Variants in CCDC28A observed in about 807,000 individuals in gnomAD.
CCDC28A encodes coiled-coil domain-containing protein 28A.
A neutral mutation model predicts 22.1 loss-of-function variants in CCDC28A; 24 were observed. That is an observed-to-expected ratio of 1.09 (90% CI 0.79 to 1.53). The LOEUF is 1.53. Among genes scored for constraint, CCDC28A ranks in the 40% most tolerant of loss-of-function variants. CCDC28A has a pLI of 0.00. For missense variants in CCDC28A, 170 were observed against 210.7 expected (o/e 0.81, Z 1.20); for synonymous variants, 83 against 74.7 (o/e 1.11, Z -0.57).
chr6:138,782,156 C>T lies in CCDC28A; in HGVS notation c.322+2171C>T, dbSNP rs138532777. Among the ~76,000 whole-genome samples the T allele has an allele frequency of 1.2e-3, 179 of 152,260 alleles. 5 individuals are homozygous for T. The East Asian group carries it at 0.031, about 27-fold the overall frequency. On this transcript the variant is annotated intron_variant, in intron 3 of 5. Coordinates refer to ENST00000617445, the MANE Select transcript of CCDC28A (RefSeq NM_015439.3). ...TTTTCCCAGCACCTTTCCTCCCCTA[C>T]TCTATGTTGCCTTTGTGTTTTTGGA...
chr6:138,774,042 G>A, intron 1 of CCDC28A, 140 bp downstream of exon 1: 1 of 1,029,456 alleles, frequency 9.7e-7, no homozygotes, highest in Non-Finnish European at 1.4e-6. Flanking sequence ...TGTCAAGAGG[G>A]ATGCCCAGTG....
chr6:138,776,990 T>C (rs568889601), intron 2 of CCDC28A, among the ~76,000 whole-genome samples: 1 of 152,266 alleles, frequency 6.6e-6, no homozygotes, highest in South Asian at 2.1e-4. Context: ...TTCAGGATAT[T>C]TAAAGGAAAC....
At chr6:138,780,304 G>A (rs7776288) in intron 3 of CCDC28A, among the ~76,000 whole-genome samples, 92,005 of 152,016 alleles carry the variant, frequency 0.61, 28,922 homozygotes, top group East Asian at 0.89. Context: ...TAGTGTCTTC[G>A]TTTTGAAAGT....
rs115253539 is a variant in CCDC28A at position 138,788,906 on chromosome 6, T to C, written c.500+518T>C. On this transcript the variant is annotated intron_variant, in intron 5 of 5. Transcript: ENST00000617445. Reference sequence around the variant, plus strand: ...TTGCTATGTAAATTATTTTGAAGCTTAGATTCTGAGGCTAACTGGCAGTGA... The same window carrying C: ...TTGCTATGTAAATTATTTTGAAGCTCAGATTCTGAGGCTAACTGGCAGTGA... Among the ~76,000 whole-genome samples, 437 of 152,322 alleles carry C rather than the reference T, an allele frequency of 2.9e-3. 3 individuals are homozygous for C. Among genetic ancestry groups the C allele is most frequent in the African/African-American group, 0.01 (422 of 41,568 alleles).
At chr6:138,774,148 G>T (rs1460834138) in intron 1 of CCDC28A, among the ~76,000 whole-genome samples, 2 of 152,188 alleles carry the variant, frequency 1.3e-5, no homozygotes, top group African/African-American at 4.8e-5. Flanking sequence ...AACATTCTTT[G>T]CTGTTTGATA....
intron 1 of CCDC28A, 117 bp downstream of exon 1, chr6:138,774,019 G>A: frequency 1.6e-6 from 2 of 1,266,942 alleles, no homozygotes; most frequent in Non-Finnish European, 2.2e-6. Flanking sequence ...ATTGGGGAAG[G>A]GGAATGAGGT....
At chr6:138,776,330 C>G (rs752495790) in intron 2 of CCDC28A, 52 bp downstream of exon 2, 1 of 1,404,666 alleles carries the variant, frequency 7.1e-7, no homozygotes, top group Non-Finnish European at 1.0e-6. Flanking sequence ...AAAGTAAATC[C>G]TGACTCAACT....
Position 138,779,930 on chromosome 6 carries a change from G to A in CCDC28A, c.267G>A (p.Glu89=). Residue 89 remains glutamate, a synonymous_variant, in exon 3 of 6, where the codon GAG becomes GAA. Transcript: ENST00000617445. ...LTDVSDVQEM[E]RGLLSLLNDF... ...ATGTCTCAGATGTTCAGGAGATGGAGAGAGGGCTGCTCAGTCTTTTGAATG... is the reference window on the plus strand; with the variant it reads ...ATGTCTCAGATGTTCAGGAGATGGAAAGAGGGCTGCTCAGTCTTTTGAATG... 1 of 1,614,000 alleles carries A rather than the reference G, an allele frequency of 6.2e-7. No homozygotes were observed. Among genetic ancestry groups the A allele is most frequent in the East Asian group, 2.2e-5 (1 of 44,864 alleles).
chr6:138,789,953 G>T (rs1052472056), intron 5 of CCDC28A, among the ~76,000 whole-genome samples: 1 of 152,154 alleles, frequency 6.6e-6, no homozygotes, highest in Admixed American at 6.5e-5. Flanking sequence ...CCCCCATTTT[G>T]CAGATGAAGA....
At chr6:138,780,741 T>A (rs965694356) in intron 3 of CCDC28A, among the ~76,000 whole-genome samples, 2 of 151,902 alleles carry the variant, frequency 1.3e-5, no homozygotes, top group Non-Finnish European at 2.9e-5. Context: ...CCAGCTAATT[T>A]TTTGTATTTT....
At chr6:138,775,819 G>T (rs1448207708) in intron 1 of CCDC28A, among the ~76,000 whole-genome samples, 2 of 152,090 alleles carry the variant, frequency 1.3e-5, no homozygotes, top group African/African-American at 4.8e-5. Context: ...TTGTGGAAGA[G>T]AATCAGTAAA....
At chr6:138,789,041 C>G (rs1775133207) in intron 5 of CCDC28A, among the ~76,000 whole-genome samples, 1 of 151,966 alleles carries the variant, frequency 6.6e-6, no homozygotes. Flanking sequence ...GCTTACATAG[C>G]TTGTGAAATG....
intron 2 of CCDC28A, among the ~76,000 whole-genome samples, chr6:138,776,656 C>G (rs1239482214): frequency 6.6e-6 from 1 of 151,182 alleles, no homozygotes; most frequent in Non-Finnish European, 1.5e-5. Context: ...TGGTAGTTTT[C>G]TTAATTTATT....
intron 4 of CCDC28A, among the ~76,000 whole-genome samples, chr6:138,787,013 C>A (rs1347735011): frequency 6.6e-6 from 1 of 152,124 alleles, no homozygotes; most frequent in African/African-American, 2.4e-5. Context: ...GAAAAGAACG[C>A]CGAATTTGAA....
rs57466946 is a variant in CCDC28A, at chr6:138,791,246, A to AT, written c.501-1492dup. ...CTACAGGTGTACGTTATGCCCAGCT[A>AT]TTTTTTTTTTTGTTTTTAGATAACG... On this transcript the variant is annotated intron_variant, in intron 5 of 5. Coordinates refer to ENST00000617445, the MANE Select transcript of CCDC28A (RefSeq NM_015439.3). Among the ~76,000 whole-genome samples, 1,103 of 145,966 alleles carry AT rather than the reference A, an allele frequency of 7.6e-3. 6 individuals carry two copies. The highest frequency in any genetic ancestry group is 0.011 in the Non-Finnish European group (716 of 66,250).
intron 1 of CCDC28A, among the ~76,000 whole-genome samples, chr6:138,774,413 A>G (rs1774894065): frequency 6.6e-6 from 1 of 152,210 alleles, no homozygotes; most frequent in African/African-American, 2.4e-5. Context: ...CTATTCAGTC[A>G]TCTTTCAAAC....
chr6:138,775,684 G>A (rs1466786153), intron 1 of CCDC28A, among the ~76,000 whole-genome samples: 2 of 152,176 alleles, frequency 1.3e-5, no homozygotes, highest in African/African-American at 4.8e-5. Flanking sequence ...CTTGAATCAG[G>A]CTGGGAATAT....
intron 5 of CCDC28A, among the ~76,000 whole-genome samples, chr6:138,789,821 C>T (rs968452284): frequency 2.0e-5 from 3 of 152,096 alleles, no homozygotes; most frequent in African/African-American, 7.2e-5. Context: ...GGAAGTATAT[C>T]CAAGTCCTGT....
chr6:138,777,563 T>G (rs562459436), intron 2 of CCDC28A, among the ~76,000 whole-genome samples: 2 of 152,344 alleles, frequency 1.3e-5, no homozygotes, highest in East Asian at 1.9e-4. Flanking sequence ...CTCTTGTAGA[T>G]GTAGGCTTCT....
Sources: allele counts gnomAD v4.1 joint callset (sites outside exome capture counted in the v4.1 genomes callset), GRCh38; gene constraint gnomAD v4.1.1; transcripts MANE v1.5; gene names NCBI Gene and HGNC (gene_info 2026-07-23, HGNC 2026-07-21).